Variants in JAZF1 observed in about 807,000 individuals in gnomAD.
JAZF1 encodes juxtaposed with another zinc finger protein 1.
A neutral mutation model predicts 26.4 loss-of-function variants in JAZF1; 8 were observed. The ratio of observed to expected loss-of-function variants is 0.30; its 90% CI spans 0.18 to 0.55. JAZF1 has a LOEUF of 0.55. Among genes scored for constraint, JAZF1 ranks in the 20% least tolerant of loss-of-function variants. The pLI is 0.94. For synonymous variants in JAZF1, 126 were observed against 122.3 expected, an observed-to-expected ratio of 1.03 and a Z score of -0.20; for missense variants, 199 against 322.0, an observed-to-expected ratio of 0.62 and a Z score of 2.92.
rs1025322129 is a variant in JAZF1 at position 27,831,435 on chromosome 7, G to A, written c.*1365C>T. The stretch of plus-strand genomic sequence containing the variant: ...ATTATTAGGCAACTGGTAAACTCTC[G>A]TGTTTAAGGAATAGCACTTGGGAGA... On this transcript the variant is annotated 3_prime_UTR_variant, in exon 5 of 5. Coordinates refer to ENST00000283928, the MANE Select transcript of JAZF1 (RefSeq NM_175061.4). 10 of 228,412 alleles carry A rather than the reference G, an allele frequency of 4.4e-5. No homozygotes were observed. Among genetic ancestry groups the A allele is most frequent in the Non-Finnish European group, 2.6e-5 (3 of 114,890 alleles). 14.1% of individuals were successfully genotyped at this position (228,412 alleles called of 1,614,324 possible). A position where few individuals can be genotyped will look rare whatever the true frequency, so the allele number is the denominator to read the frequency against.
chr7:27,948,282 G>A (rs1485509971), intron 2 of JAZF1, among the ~76,000 whole-genome samples: 1 of 152,094 alleles, frequency 6.6e-6, no homozygotes, highest in Non-Finnish European at 1.5e-5. Flanking sequence ...TTCATGCCAC[G>A]GTGCTCCAGC....
rs1052537134 is a variant in JAZF1 at position 28,064,115 on chromosome 7, A to T, written c.116-72134T>A. Reference sequence around the variant, plus strand: ...TTGGACATCCTGTAAATTATAATTTAAAAAATATATATATATGTCTGAGGT... The same window carrying T: ...TTGGACATCCTGTAAATTATAATTTTAAAAATATATATATATGTCTGAGGT... On this transcript the variant is annotated intron_variant, in intron 1 of 4. Coordinates refer to ENST00000283928, the MANE Select transcript of JAZF1 (RefSeq NM_175061.4). Among the ~76,000 whole-genome samples the T allele has an allele frequency of 2.0e-4, 30 of 152,196 alleles. No individual in the cohort carries two copies. In the Middle Eastern group the frequency reaches 0.01, roughly 52 times the overall value.
chr7:28,147,694 A>G (rs1165586770), intron 1 of JAZF1, among the ~76,000 whole-genome samples: 1 of 151,434 alleles, frequency 6.6e-6, no homozygotes, highest in Non-Finnish European at 1.5e-5. Flanking sequence ...CCAAAAAAAA[A>G]AAAGTATATA....
chr7:28,158,930 T>G (rs1196859166), intron 1 of JAZF1, among the ~76,000 whole-genome samples: 2 of 152,172 alleles, frequency 1.3e-5, no homozygotes, highest in Non-Finnish European at 2.9e-5. Flanking sequence ...CTTCCCTGAC[T>G]GAAAGCCAGT....
intron 3 of JAZF1, among the ~76,000 whole-genome samples, chr7:27,893,399 C>A (rs958113344): frequency 6.6e-6 from 1 of 152,160 alleles, no homozygotes; most frequent in African/African-American, 2.4e-5. Flanking sequence ...TTCGATTCAA[C>A]CAAAATTTTG....
chr7:28,154,093 TC>T (rs1783146501), intron 1 of JAZF1, among the ~76,000 whole-genome samples: 1 of 152,088 alleles, frequency 6.6e-6, no homozygotes. Flanking sequence ...TAACAAAGCC[TC>T]CCCGAAGTTT....
intron 1 of JAZF1, among the ~76,000 whole-genome samples, chr7:28,048,085 G>A (rs543605126): frequency 1.6e-3 from 246 of 152,250 alleles, no homozygotes; most frequent in African/African-American, 5.8e-3. Flanking sequence ...TGGTTGGTTA[G>A]AATGAACGGT....
chr7:27,964,977 T>C (rs183616411), intron 2 of JAZF1, among the ~76,000 whole-genome samples: 85 of 152,306 alleles, frequency 5.6e-4, no homozygotes, highest in Admixed American at 3.0e-3. Context: ...GTTTCTTTTT[T>C]CTAACATTAT....
At chr7:27,992,815 C>T (rs1377173596) in intron 1 of JAZF1, among the ~76,000 whole-genome samples, 1 of 152,170 alleles carries the variant, frequency 6.6e-6, no homozygotes, top group East Asian at 1.9e-4. Context: ...GATTTCTTTT[C>T]ATTATAAACT....
At position 27,879,436 on chromosome 7, in the gene JAZF1, C is replaced by T. The variant is rs565470754; in HGVS notation, c.385+15784G>A. ...AGCTCCAGTTTGCAAGCATCATGAA[C>T]AGAGAGGGAAATGACTTCTTATAAG... On this transcript the variant is annotated intron_variant, in intron 3 of 4. Coordinates refer to ENST00000283928, the MANE Select transcript of JAZF1 (RefSeq NM_175061.4). 4.6e-5 allele frequency among the ~76,000 whole-genome samples: 7 copies of T among 152,246 alleles called. No individual in the cohort carries two copies. In the East Asian group the frequency reaches 1.4e-3, roughly 29 times the overall value.
intron 1 of JAZF1, among the ~76,000 whole-genome samples, chr7:28,081,203 C>A (rs575120790): frequency 3.8e-4 from 58 of 152,280 alleles, no homozygotes; most frequent in African/African-American, 1.4e-3. Flanking sequence ...CAGGGCTAAG[C>A]CCAGTGTTGT....
chr7:28,047,231 G>A (rs1783511347), intron 1 of JAZF1, among the ~76,000 whole-genome samples: 1 of 151,920 alleles, frequency 6.6e-6, no homozygotes, highest in Non-Finnish European at 1.5e-5. Context: ...ATCTCTTTAT[G>A]GATTCTCCAT....
At chr7:28,056,435 TACACACACACACAC>T (rs3073772) in intron 1 of JAZF1, among the ~76,000 whole-genome samples, 10 of 98,202 alleles carry the variant, frequency 1.0e-4, no homozygotes, top group Admixed American at 3.1e-4. Flanking sequence ...TTTCAACAAC[TACACACACACACAC>T]ACACACACAC....
intron 1 of JAZF1, among the ~76,000 whole-genome samples, chr7:28,049,926 T>G (rs144609024): frequency 1.3e-5 from 2 of 152,218 alleles, no homozygotes; most frequent in African/African-American, 2.4e-5. Flanking sequence ...TTATGGAGGC[T>G]TCATCACATC....
rs1782891902 is a variant in JAZF1 at position 27,840,013 on chromosome 7, A to G, written c.555+685T>C. On this transcript the variant is annotated intron_variant, in intron 4 of 4. Coordinates refer to ENST00000283928, the MANE Select transcript of JAZF1 (RefSeq NM_175061.4). This position sits in a 1 kb window ranked among gnomAD's most constrained non-coding sequence, Gnocchi z 5.1. The stretch of plus-strand genomic sequence containing the variant: ...AAAATGCCCTCTAGACCCATACTTG[A>G]CTATTGTGCTGTTTCTCGTTGTTTT... 6.6e-6 allele frequency among the ~76,000 whole-genome samples: 1 copy of G among 152,094 alleles called. No homozygotes were observed. The highest frequency in any genetic ancestry group is 2.4e-5 in the African/African-American group (1 of 41,388).
chr7:27,849,772 C>CACACACACACACACATAT lies in JAZF1; in HGVS notation c.386-8906_386-8905insATATGTGTGTGTGTGTGT, dbSNP rs140580370. Among the ~76,000 whole-genome samples, 159 of 147,112 alleles carry CACACACACACACACATAT rather than the reference C, an allele frequency of 1.1e-3. 2 individuals carry two copies. Among genetic ancestry groups the CACACACACACACACATAT allele is most frequent in the African/African-American group, 3.9e-3 (149 of 38,598 alleles). On this transcript the variant is annotated intron_variant, in intron 3 of 4. Coordinates refer to ENST00000283928, the MANE Select transcript of JAZF1 (RefSeq NM_175061.4). ...ACACAGACACACACACACACACACACACCCCTACACCTCTTCCCGGCCGCC... is the reference window on the plus strand; with the variant it reads ...ACACAGACACACACACACACACACACACACACACACACACATATACCCCTACACCTCTTCCCGGCCGCC...
intron 1 of JAZF1, among the ~76,000 whole-genome samples, chr7:27,994,785 T>C (rs1181969952): frequency 6.6e-6 from 1 of 152,206 alleles, no homozygotes; most frequent in African/African-American, 2.4e-5. Context: ...CGGGCTGGTG[T>C]GTGGGGATTA....
intron 1 of JAZF1, among the ~76,000 whole-genome samples, chr7:28,131,172 T>C (rs1004471432): frequency 2.6e-5 from 4 of 152,220 alleles, no homozygotes; most frequent in African/African-American, 9.6e-5. Context: ...GTAGTTTCTA[T>C]GCCAAATTAT....
intron 1 of JAZF1, among the ~76,000 whole-genome samples, chr7:28,107,988 C>G (rs147134641): frequency 6.6e-6 from 1 of 152,192 alleles, no homozygotes; most frequent in South Asian, 2.1e-4. Context: ...TGCTCCATCA[C>G]GGCTAAAACA....
Sources: gnomAD v4.1 joint callset for allele counts (sites outside exome capture counted in the v4.1 genomes callset) on GRCh38, gnomAD v4.1.1 for gene constraint, Gnocchi (gnomAD v3.1) non-coding constraint, MANE v1.5 for transcripts, NCBI Gene and HGNC (gene_info 2026-07-23, HGNC 2026-07-21) for gene names.